Variants in RTN1 observed in about 807,000 individuals in gnomAD.
RTN1 encodes the protein reticulon 1, also known as reticulon-1.
A neutral mutation model predicts 65.5 loss-of-function variants in RTN1; 25 were observed. The observed-to-expected ratio is 0.38, with a 90% confidence interval of 0.28 to 0.53. The LOEUF is 0.53. RTN1 is among the 20% of genes least tolerant of loss of function. The pLI is 0.79. For synonymous variants in RTN1, 471 were observed against 447.6 expected, an observed-to-expected ratio of 1.05 and a Z score of -0.66; for missense variants, 983 against 1,025.4, an observed-to-expected ratio of 0.96 and a Z score of 0.57.
chr14:59,860,233 C>G (rs1016856066), intron 1 of RTN1, among the ~76,000 whole-genome samples: 2 of 152,176 alleles, frequency 1.3e-5, no homozygotes, highest in Non-Finnish European at 2.9e-5. Flanking sequence ...GGACTTGGTG[C>G]CCTGCTTCTC....
intron 1 of RTN1, among the ~76,000 whole-genome samples, chr14:59,752,014 A>G (rs1594724731): frequency 6.6e-6 from 1 of 152,060 alleles, no homozygotes; most frequent in Admixed American, 6.5e-5. Flanking sequence ...CCACTCTCCA[A>G]TTCAAATTCT....
chr14:59,837,124 A>T (rs1458241064), intron 1 of RTN1, among the ~76,000 whole-genome samples: 1 of 152,162 alleles, frequency 6.6e-6, no homozygotes, highest in Admixed American at 6.5e-5. Context: ...TGAGTATAGT[A>T]CTAAACAGAT....
intron 1 of RTN1, among the ~76,000 whole-genome samples, chr14:59,862,155 G>C (rs1887722143): frequency 6.6e-6 from 1 of 152,084 alleles, no homozygotes; most frequent in Non-Finnish European, 1.5e-5. Flanking sequence ...ATATTAAATA[G>C]AATTTTCAGA....
chr14:59,605,553 G>C, intron 4 of RTN1, 47 bp from the exon 5 acceptor site: 1 of 1,604,956 alleles, frequency 6.2e-7, no homozygotes, highest in Non-Finnish European at 8.5e-7. Flanking sequence ...AGGGAATCAT[G>C]AGACAGGCTG....
At chr14:59,780,944 C>A (rs1218190919) in intron 1 of RTN1, among the ~76,000 whole-genome samples, 1 of 152,204 alleles carries the variant, frequency 6.6e-6, no homozygotes, top group East Asian at 1.9e-4. Context: ...TCTCCCCTCT[C>A]CCTACAGTAC....
At chr14:59,630,410 C>CGCCT in intron 3 of RTN1, 1 of 1,612,234 alleles carries the variant, frequency 6.2e-7, no homozygotes, top group Non-Finnish European at 8.5e-7. Flanking sequence ...GTTTCCCGTG[C>CGCCT]GCCTCAGGCA....
At chr14:59,850,794 A>C (rs1436527286) in intron 1 of RTN1, among the ~76,000 whole-genome samples, 3 of 152,246 alleles carry the variant, frequency 2.0e-5, no homozygotes, top group Admixed American at 6.5e-5. Flanking sequence ...TGTTCCAAGC[A>C]CTTCAAAGAA....
chr14:59,792,116 G>A (rs1397529442), intron 1 of RTN1, among the ~76,000 whole-genome samples: 4 of 152,126 alleles, frequency 2.6e-5, no homozygotes, highest in East Asian at 1.9e-4. Context: ...GGGCTGTACC[G>A]CTGCCATTAT....
chr14:59,701,115 T>A (rs1884169103), intron 3 of RTN1, among the ~76,000 whole-genome samples: 1 of 152,132 alleles, frequency 6.6e-6, no homozygotes, highest in South Asian at 2.1e-4. Flanking sequence ...AAAAAGATGC[T>A]CAACACTATT....
intron 3 of RTN1, among the ~76,000 whole-genome samples, chr14:59,626,352 A>G (rs1882399507): frequency 6.6e-6 from 1 of 152,218 alleles, no homozygotes; most frequent in Non-Finnish European, 1.5e-5. Context: ...AAAGTGTTTC[A>G]TCTTCCATCA....
Position 59,740,857 on chromosome 14 carries a change from C to T in RTN1, c.1015+4851G>A, listed in dbSNP as rs182791290. 1.4e-4 allele frequency among the ~76,000 whole-genome samples: 21 copies of T among 152,216 alleles called. No homozygotes were observed. The South Asian group carries it at 1.5e-3, about 11-fold the overall frequency. ...AGGCCCTCTAAGATATTGGTTATTA[C>T]GTATCAAGACTGACACTGCAAAGCT... On this transcript the variant is annotated intron_variant, in intron 2 of 8. Coordinates refer to ENST00000267484, the MANE Select transcript of RTN1 (RefSeq NM_021136.3).
chr14:59,819,424 CACCCCCCA>C lies in RTN1; in HGVS notation c.241+50958_241+50965del, dbSNP rs1566737518. Among the ~76,000 whole-genome samples the C allele has an allele frequency of 7.9e-3, 94 of 11,840 alleles. 13 individuals carry two copies. Among genetic ancestry groups the C allele is most frequent in the Non-Finnish European group, 0.013 (53 of 4,020 alleles). 7.8% of individuals were successfully genotyped at this position (11,840 alleles called of 152,430 possible). A position where few individuals can be genotyped will look rare whatever the true frequency, so the allele number is the denominator to read the frequency against. On this transcript the variant is annotated intron_variant, in intron 1 of 8. Coordinates refer to ENST00000267484, the MANE Select transcript of RTN1 (RefSeq NM_021136.3). ...ATCCACACCACCACCACCCCCCCCC[CACCCCCCA>C]CCCCCCCCCCCCGGCCACAGCTAGA...
intron 1 of RTN1, among the ~76,000 whole-genome samples, chr14:59,768,695 C>T (rs1006898355): frequency 1.3e-5 from 2 of 151,740 alleles, no homozygotes; most frequent in Admixed American, 6.6e-5. Context: ...CTGTTCTTTT[C>T]GTTTTATTTA....
chr14:59,617,622 G>GT (rs771573760), intron 3 of RTN1, among the ~76,000 whole-genome samples: 2 of 152,256 alleles, frequency 1.3e-5, no homozygotes, highest in East Asian at 1.9e-4. Context: ...TGTTCTTGAG[G>GT]TTTTTTCTGC....
intron 3 of RTN1, among the ~76,000 whole-genome samples, chr14:59,634,244 G>A (rs772786419): frequency 6.6e-6 from 1 of 152,086 alleles, no homozygotes; most frequent in Non-Finnish European, 1.5e-5. Flanking sequence ...GATGCACTGC[G>A]TTTTCATGAC....
intron 2 of RTN1, among the ~76,000 whole-genome samples, chr14:59,728,691 G>A (rs1884834993): frequency 6.6e-6 from 1 of 152,104 alleles, no homozygotes; most frequent in Admixed American, 6.5e-5. Context: ...AGCTTTGAGG[G>A]ATCTGTGGCT....
intron 1 of RTN1, among the ~76,000 whole-genome samples, chr14:59,762,129 T>C (rs1406470973): frequency 6.6e-6 from 1 of 152,014 alleles, no homozygotes; most frequent in Non-Finnish European, 1.5e-5. Flanking sequence ...GGGCATGGCA[T>C]AGTGTGTGGT....
At chr14:59,632,950 AT>A (rs1325507242) in intron 3 of RTN1, among the ~76,000 whole-genome samples, 1 of 151,658 alleles carries the variant, frequency 6.6e-6, no homozygotes, top group African/African-American at 2.4e-5. Flanking sequence ...CAAAAAAAAA[AT>A]TTTTTCCGGG....
intron 1 of RTN1, among the ~76,000 whole-genome samples, chr14:59,850,856 G>A (rs559097212): frequency 6.6e-5 from 10 of 152,330 alleles, no homozygotes; most frequent in Non-Finnish European, 1.2e-4. Context: ...TGCAAAGGGG[G>A]TGGGATCATG....
Sources: allele counts gnomAD v4.1 joint callset (sites outside exome capture counted in the v4.1 genomes callset), GRCh38; gene constraint gnomAD v4.1.1; transcripts MANE v1.5; gene names NCBI Gene and HGNC (gene_info 2026-07-23, HGNC 2026-07-21).